The following IKZF1 variants were observed in gnomAD, a reference collection of about 807,000 sequenced individuals.
IKZF1 encodes the protein DNA-binding protein Ikaros.
In IKZF1, 10 loss-of-function variants were observed where a neutral mutation model predicts 51.7. The ratio of observed to expected loss-of-function variants is 0.19; its 90% CI spans 0.12 to 0.33. IKZF1 has a LOEUF of 0.33. Among genes scored for constraint, IKZF1 ranks in the 10% least tolerant of loss-of-function variants. IKZF1 has a pLI of 1.00. For synonymous variants in IKZF1, 280 were observed against 282.3 expected (o/e 0.99, Z 0.08); for missense variants, 484 against 707.5 (o/e 0.68, Z 3.58).
intron 3 of IKZF1, among the ~76,000 whole-genome samples, chr7:50,336,429 G>A (rs1797799114): frequency 6.6e-6 from 1 of 152,176 alleles, no homozygotes; most frequent in African/African-American, 2.4e-5. Context: ...CAGGCTCAGA[G>A]GCACAGGAGG....
chr7:50,313,595 GGGAGAA>G (rs1377800579), intron 1 of IKZF1, among the ~76,000 whole-genome samples: 1 of 152,200 alleles, frequency 6.6e-6, no homozygotes, highest in Non-Finnish European at 1.5e-5. Context: ...AAGAGTGCTA[GGGAGAA>G]AGAGGCATCA....
At chr7:50,367,898 A>G (rs1266007290) in intron 3 of IKZF1, 1 of 606,392 alleles carries the variant, frequency 1.6e-6, no homozygotes, top group East Asian at 2.7e-5. Flanking sequence ...AGTGGTTTTG[A>G]GTAATAAAAC....
intron 3 of IKZF1, among the ~76,000 whole-genome samples, chr7:50,357,788 C>G (rs1384987966): frequency 6.6e-6 from 1 of 152,192 alleles, no homozygotes; most frequent in Non-Finnish European, 1.5e-5. Context: ...GAAGTTAGCT[C>G]AGGACACACG....
chr7:50,317,230 A>G (rs1791808284), intron 1 of IKZF1, among the ~76,000 whole-genome samples: 1 of 152,250 alleles, frequency 6.6e-6, no homozygotes, highest in Non-Finnish European at 1.5e-5. Flanking sequence ...TAACTTCTGT[A>G]TGCTTCACCA....
intron 1 of IKZF1, among the ~76,000 whole-genome samples, chr7:50,312,367 G>T (rs1030533262): frequency 6.6e-6 from 1 of 152,242 alleles, no homozygotes; most frequent in African/African-American, 2.4e-5. Context: ...CGTGTGAACC[G>T]TGCACCCCTA....
At chr7:50,321,418 C>G (rs1024193538) in intron 2 of IKZF1, among the ~76,000 whole-genome samples, 1 of 152,198 alleles carries the variant, frequency 6.6e-6, no homozygotes, top group Non-Finnish European at 1.5e-5. Context: ...GACTGTAATC[C>G]TCACTCATGG....
intron 1 of IKZF1, among the ~76,000 whole-genome samples, chr7:50,309,133 G>A (rs373264832): frequency 2.0e-5 from 3 of 152,142 alleles, no homozygotes; most frequent in African/African-American, 2.4e-5. Flanking sequence ...CTCGTGGCGC[G>A]GGGCCACGGC....
intron 5 of IKZF1, among the ~76,000 whole-genome samples, chr7:50,385,638 T>C (rs1294781050): frequency 2.0e-5 from 3 of 152,336 alleles, no homozygotes; most frequent in Admixed American, 6.5e-5. Context: ...GTTCCAGAGT[T>C]AAACTCAATC....
chr7:50,305,584 G>T (rs1449432315), intron 1 of IKZF1, among the ~76,000 whole-genome samples: 1 of 152,120 alleles, frequency 6.6e-6, no homozygotes, highest in South Asian at 2.1e-4. Flanking sequence ...ATTCCATAGG[G>T]TCTGACCAGG....
intron 3 of IKZF1, among the ~76,000 whole-genome samples, chr7:50,335,277 G>T (rs1797393982): frequency 6.7e-6 from 1 of 149,222 alleles, no homozygotes; most frequent in Non-Finnish European, 1.5e-5. Context: ...GATGTGTGGT[G>T]TGTATATGTG....
chr7:50,363,781 C>T (rs1398582386), intron 3 of IKZF1, among the ~76,000 whole-genome samples: 2 of 152,308 alleles, frequency 1.3e-5, no homozygotes, highest in East Asian at 1.9e-4. Flanking sequence ...CAGGATCTAA[C>T]TCGTGCTTTC....
At chr7:50,337,960 C>T (rs1798171135) in intron 3 of IKZF1, among the ~76,000 whole-genome samples, 1 of 152,154 alleles carries the variant, frequency 6.6e-6, no homozygotes, top group Non-Finnish European at 1.5e-5. Flanking sequence ...CGGACACATT[C>T]GTCCTCACTT....
intron 3 of IKZF1, among the ~76,000 whole-genome samples, chr7:50,333,460 G>GCA (rs1269022903): frequency 9.9e-5 from 15 of 152,172 alleles, no homozygotes; most frequent in Non-Finnish European, 2.1e-4. Flanking sequence ...AGGCTTTTGA[G>GCA]CACGGATGCG....
intron 3 of IKZF1, among the ~76,000 whole-genome samples, chr7:50,344,950 G>T (rs960400276): frequency 6.6e-6 from 1 of 151,796 alleles, no homozygotes; most frequent in Non-Finnish European, 1.5e-5. Context: ...AATATATTAG[G>T]TTGGTGCAAA....
chr7:50,332,932 T>C (rs1288183986), intron 3 of IKZF1, among the ~76,000 whole-genome samples: 1 of 152,066 alleles, frequency 6.6e-6, no homozygotes, highest in Admixed American at 6.5e-5. Context: ...GTTTCATGAG[T>C]GGTTTATTTC....
intron 1 of IKZF1, among the ~76,000 whole-genome samples, chr7:50,305,163 C>T (rs1788487782): frequency 6.6e-6 from 1 of 152,128 alleles, no homozygotes; most frequent in Non-Finnish European, 1.5e-5. Flanking sequence ...CCGCTGTCAC[C>T]AGGAGAGGAG....
intron 3 of IKZF1, among the ~76,000 whole-genome samples, chr7:50,334,856 G>T (rs1797265508): frequency 6.8e-6 from 1 of 147,160 alleles, no homozygotes; most frequent in Non-Finnish European, 1.5e-5. Flanking sequence ...TATGTGTGGG[G>T]TATGTGTGTG....
intron 3 of IKZF1, among the ~76,000 whole-genome samples, chr7:50,372,465 C>T (rs759740126): frequency 4.6e-5 from 7 of 152,170 alleles, no homozygotes; most frequent in Non-Finnish European, 1.0e-4. Flanking sequence ...AGCTTTCAGC[C>T]CTGGAATGCT....
intron 3 of IKZF1, among the ~76,000 whole-genome samples, chr7:50,347,068 G>A (rs1181774021): frequency 6.6e-6 from 1 of 152,172 alleles, no homozygotes; most frequent in Non-Finnish European, 1.5e-5. Context: ...GGAAGGGTAG[G>A]ATCTGGCAAT....
Sources: gnomAD v4.1 joint callset for allele counts (sites outside exome capture counted in the v4.1 genomes callset) on GRCh38, gnomAD v4.1.1 for gene constraint, MANE v1.5 for transcripts, NCBI Gene and HGNC (gene_info 2026-07-23, HGNC 2026-07-21) for gene names.